The following RAPGEF6 variants were observed in gnomAD, a reference collection of about 807,000 sequenced individuals.
RAPGEF6 encodes Rap guanine nucleotide exchange factor 6.
RAPGEF6 carries 56 observed loss-of-function variants against 171.4 expected under a neutral mutation model. The ratio of observed to expected loss-of-function variants is 0.33; its 90% CI spans 0.26 to 0.41. RAPGEF6 has a LOEUF of 0.41. RAPGEF6 is among the 10% of genes least tolerant of loss of function. The pLI is 1.00. For missense variants in RAPGEF6, 1,674 were observed against 1,921.4 expected, an observed-to-expected ratio of 0.87 and a Z score of 2.41; for synonymous variants, 692 against 650.1, an observed-to-expected ratio of 1.06 and a Z score of -0.98.
At chr5:131,576,073 G>A (rs1762589376) in intron 4 of RAPGEF6, among the ~76,000 whole-genome samples, 1 of 152,132 alleles carries the variant, frequency 6.6e-6, no homozygotes, top group African/African-American at 2.4e-5. Flanking sequence ...CATTATTCCT[G>A]GCACAGACTT....
intron 15 of RAPGEF6, 134 bp from the exon 16 acceptor site, chr5:131,479,887 T>C: frequency 1.1e-6 from 1 of 887,288 alleles, no homozygotes; most frequent in Non-Finnish European, 1.7e-6. Flanking sequence ...CTAAACACTG[T>C]CAAGTATTTA....
intron 15 of RAPGEF6, among the ~76,000 whole-genome samples, chr5:131,486,096 C>G (rs185888286): frequency 6.6e-6 from 1 of 152,234 alleles, no homozygotes; most frequent in Non-Finnish European, 1.5e-5. Context: ...TTAGGTACAG[C>G]GCACATCCAC....
rs1561563180 is a variant in RAPGEF6, at chr5:131,560,582, T to C, written c.351+1396A>G. ...TTGCCATGTTCCTCAATACATACAT[T>C]AAAAAGAAAGAATTCTGAGGCTCTA... On this transcript the variant is annotated intron_variant, in intron 5 of 27. Coordinates refer to ENST00000509018, the MANE Select transcript of RAPGEF6 (RefSeq NM_016340.6). Among the ~76,000 whole-genome samples, 3 of 152,182 alleles carry C rather than the reference T, an allele frequency of 2.0e-5. No homozygotes were observed. The South Asian group carries it at 6.2e-4, about 31-fold the overall frequency.
intron 6 of RAPGEF6, among the ~76,000 whole-genome samples, chr5:131,522,464 G>C (rs1407914115): frequency 6.6e-6 from 1 of 152,048 alleles, no homozygotes; most frequent in Non-Finnish European, 1.5e-5. Flanking sequence ...AAACATTAAA[G>C]AAACACACAC....
Position 131,446,522 on chromosome 5 carries a change from G to A in RAPGEF6, c.3382C>T (p.Gln1128Ter). Residue 1128 changes from glutamine to a stop codon, truncating the protein, a stop_gained, in exon 22 of 28, where the codon CAG (glutamine) becomes TAG (stop). Coordinates refer to ENST00000509018, the MANE Select transcript of RAPGEF6 (RefSeq NM_016340.6). LOFTEE classifies it high-confidence loss of function. ...LDVETDEEKF[Q>*]MMSLQWEPAY... ...GGCTCCCACTGTAATGACATCATCT[G>A]GAACTTCTCCTCATCTGTCTCTACA... is the stretch of plus-strand genomic sequence containing the variant. The A allele has an allele frequency of 6.2e-7, 1 of 1,614,186 alleles. No homozygotes were observed. The highest frequency in any genetic ancestry group is 2.2e-5 in the East Asian group (1 of 44,884).
intron 17 of RAPGEF6, chr5:131,472,316 C>T: frequency 2.4e-6 from 1 of 413,006 alleles, no homozygotes; most frequent in East Asian, 5.7e-5. Flanking sequence ...CATGATCCGC[C>T]CGCCTCGGCC....
chr5:131,494,713 CCA>C (rs1393015344), intron 13 of RAPGEF6, among the ~76,000 whole-genome samples: 1 of 151,948 alleles, frequency 6.6e-6, no homozygotes, highest in African/African-American at 2.4e-5. Context: ...AATCTTTTGG[CCA>C]CACAGAATGA....
At chr5:131,562,700 G>A (rs1473150955) in intron 4 of RAPGEF6, among the ~76,000 whole-genome samples, 1 of 152,082 alleles carries the variant, frequency 6.6e-6, no homozygotes, top group Admixed American at 6.5e-5. Context: ...TACATAAATA[G>A]TTGTTATGCT....
At chr5:131,434,327 C>T (rs1751891451) in intron 24 of RAPGEF6, among the ~76,000 whole-genome samples, 1 of 152,232 alleles carries the variant, frequency 6.6e-6, no homozygotes, top group South Asian at 2.1e-4. Context: ...ACTGCAGCTT[C>T]GAACTCCTGG....
chr5:131,579,751 C>A (rs1762825130), intron 4 of RAPGEF6, among the ~76,000 whole-genome samples: 1 of 152,148 alleles, frequency 6.6e-6, no homozygotes, highest in Non-Finnish European at 1.5e-5. Flanking sequence ...CATTTACAAA[C>A]CTTTAGCTAG....
intron 6 of RAPGEF6, among the ~76,000 whole-genome samples, chr5:131,537,650 A>G (rs1194745616): frequency 6.6e-6 from 1 of 152,212 alleles, no homozygotes; most frequent in Non-Finnish European, 1.5e-5. Flanking sequence ...ACAAGGATAC[A>G]TAACTAAACA....
At chr5:131,478,147 C>T (rs1007865073) in intron 16 of RAPGEF6, among the ~76,000 whole-genome samples, 2 of 152,166 alleles carry the variant, frequency 1.3e-5, no homozygotes, top group Non-Finnish European at 2.9e-5. Flanking sequence ...TTTTAATCCT[C>T]TGAGTTCCAA....
rs745580860 is a variant in RAPGEF6, at chr5:131,464,201, T to C, written c.2320A>G (p.Lys774Glu). ...YIIISKDTTA[K>E]EVVFHAVHEF... ...TGAACAGCATGAAAAACTACTTCTT[T>C]AGCTGTGGTGTCTTTACTGATGATA... is the stretch of plus-strand genomic sequence containing the variant. Residue 774 changes from lysine (K) to glutamate (E), a missense_variant, in exon 18 of 28, where the codon AAA becomes GAA. Physicochemically the swap from Lys to Glu is moderately conservative, Grantham distance 56. Around this residue, in one of 3 missense-constraint regions of RAPGEF6, gnomAD observed 1,116 missense variants for 1,321.5 expected, o/e 0.84. Coordinates refer to ENST00000509018, the MANE Select transcript of RAPGEF6 (RefSeq NM_016340.6). 22 of 1,613,700 alleles carry C rather than the reference T, an allele frequency of 1.4e-5. No individual in the cohort carries two copies. The South Asian group carries it at 1.9e-4, about 14-fold the overall frequency.
chr5:131,520,252 A>G (rs929417964), intron 7 of RAPGEF6, among the ~76,000 whole-genome samples: 1 of 152,212 alleles, frequency 6.6e-6, no homozygotes, highest in African/African-American at 2.4e-5. Context: ...AGTATATGGT[A>G]GCCACTAGCC....
chr5:131,444,148 A>T (rs1490031013), intron 22 of RAPGEF6, among the ~76,000 whole-genome samples: 2 of 152,230 alleles, frequency 1.3e-5, no homozygotes, highest in Non-Finnish European at 2.9e-5. Flanking sequence ...AGATGTCTAA[A>T]CTGTCTCAAC....
At chr5:131,582,788 C>A (rs1432097940) in intron 4 of RAPGEF6, among the ~76,000 whole-genome samples, 3 of 152,100 alleles carry the variant, frequency 2.0e-5, no homozygotes, top group East Asian at 3.8e-4. Flanking sequence ...AAAAATGGGT[C>A]AAAGGCTCAG....
chr5:131,518,397 A>AC (rs1371673941), intron 7 of RAPGEF6, among the ~76,000 whole-genome samples: 2 of 74,974 alleles, frequency 2.7e-5, no homozygotes, highest in Non-Finnish European at 6.3e-5. Context: ...TCAGAGTTTG[A>AC]AATTTTTTTT....
chr5:131,445,493 C>CTCTGTGTGTG (rs1554070849), intron 22 of RAPGEF6, among the ~76,000 whole-genome samples: 2 of 147,224 alleles, frequency 1.4e-5, no homozygotes, highest in African/African-American at 5.1e-5. Flanking sequence ...AACTCACTCT[C>CTCTGTGTGTG]TGTGTGTGTG....
At chr5:131,492,516 G>A in intron 14 of RAPGEF6, 66 bp downstream of exon 14, 2 of 1,493,322 alleles carry the variant, frequency 1.3e-6, no homozygotes, top group Non-Finnish European at 1.9e-6. Flanking sequence ...TGGAAGATGA[G>A]AACAAAAGCA....
Sources: gnomAD v4.1 joint callset for allele counts (sites outside exome capture counted in the v4.1 genomes callset) on GRCh38, gnomAD v4.1.1 for gene constraint, gnomAD v4.1.1 regional missense constraint, MANE v1.5 for transcripts, NCBI Gene and HGNC (gene_info 2026-07-23, HGNC 2026-07-21) for gene names.